SLX4IP: variants seen among roughly 807,000 people sequenced by gnomAD.
SLX4IP encodes protein SLX4IP.
Under a neutral mutation model 32.9 loss-of-function variants are expected in SLX4IP, and 34 were observed. The observed-to-expected ratio is 1.03, with a 90% CI of 0.79 to 1.38. SLX4IP has a LOEUF of 1.38. SLX4IP is among the 40% of genes most tolerant of loss of function. The pLI is 0.00. For synonymous variants in SLX4IP, 172 were observed against 171.7 expected (o/e 1.00, Z -0.01); for missense variants, 444 against 479.0 (o/e 0.93, Z 0.68).
chr20:10,613,697 G>T, intron 6 of SLX4IP: 1 of 1,613,038 alleles, frequency 6.2e-7, no homozygotes, highest in Non-Finnish European at 8.5e-7. Flanking sequence ...AGGCGTTATA[G>T]GATGGGACCT....
chr20:10,597,900 T>C (rs967750323), intron 4 of SLX4IP, among the ~76,000 whole-genome samples: 1 of 152,212 alleles, frequency 6.6e-6, no homozygotes, highest in Admixed American at 6.5e-5. Flanking sequence ...GTTGGAGAAA[T>C]TATTTTTTTA....
At chr20:10,498,516 A>T (rs866244670) in intron 2 of SLX4IP, among the ~76,000 whole-genome samples, 9 of 152,030 alleles carry the variant, frequency 5.9e-5, no homozygotes, top group Non-Finnish European at 1.2e-4. Flanking sequence ...TTTCTGTCTC[A>T]TGAAATGGTT....
chr20:10,599,524 G>T (rs2066816211), intron 5 of SLX4IP, among the ~76,000 whole-genome samples: 1 of 151,122 alleles, frequency 6.6e-6, no homozygotes, highest in African/African-American at 2.4e-5. Context: ...CTCCTAAGTA[G>T]CTGGGACCAC....
chr20:10,535,852 G>A (rs2066037790), intron 2 of SLX4IP, among the ~76,000 whole-genome samples: 1 of 152,140 alleles, frequency 6.6e-6, no homozygotes, highest in African/African-American at 2.4e-5. Context: ...TGTTTAAAAA[G>A]CAAATATTGA....
At chr20:10,595,611 A>G (rs769597425) in intron 4 of SLX4IP, among the ~76,000 whole-genome samples, 17 of 152,336 alleles carry the variant, frequency 1.1e-4, no homozygotes, top group Middle Eastern at 6.8e-3. Flanking sequence ...TGTGAAGTTG[A>G]TTTCATTAAA....
chr20:10,565,784 ACTTTC>A (rs1299512859), intron 4 of SLX4IP, among the ~76,000 whole-genome samples: 2 of 152,158 alleles, frequency 1.3e-5, no homozygotes, highest in African/African-American at 4.8e-5. Context: ...TAACAGCCTG[ACTTTC>A]CCAACTACAA....
chr20:10,468,156 C>T (rs1449932281), intron 2 of SLX4IP, among the ~76,000 whole-genome samples: 2 of 152,202 alleles, frequency 1.3e-5, no homozygotes, highest in African/African-American at 4.8e-5. Context: ...TGCCTCCACA[C>T]ACCCTGGGCT....
At chr20:10,571,245 T>C (rs2066462495) in intron 4 of SLX4IP, among the ~76,000 whole-genome samples, 1 of 152,158 alleles carries the variant, frequency 6.6e-6, no homozygotes. Context: ...AGGAGTATGC[T>C]GGACAAGCCA....
At chr20:10,528,337 A>T (rs1285653091) in intron 2 of SLX4IP, among the ~76,000 whole-genome samples, 1 of 152,204 alleles carries the variant, frequency 6.6e-6, no homozygotes, top group Non-Finnish European at 1.5e-5. Context: ...GATAAATATC[A>T]TCATTTTTGA....
intron 2 of SLX4IP, among the ~76,000 whole-genome samples, chr20:10,522,637 A>AT (rs1384349410): frequency 6.6e-6 from 1 of 152,194 alleles, no homozygotes; most frequent in Non-Finnish European, 1.5e-5. Flanking sequence ...CCTCATTAAA[A>AT]TGCCCTTCCG....
intron 2 of SLX4IP, among the ~76,000 whole-genome samples, chr20:10,510,161 A>C (rs1189820215): frequency 6.6e-6 from 1 of 152,238 alleles, no homozygotes; most frequent in African/African-American, 2.4e-5. Flanking sequence ...AAATTTTTAA[A>C]ATTTCCTTTT....
At chr20:10,479,225 A>T (rs1422699511) in intron 2 of SLX4IP, among the ~76,000 whole-genome samples, 1 of 152,248 alleles carries the variant, frequency 6.6e-6, no homozygotes, top group Non-Finnish European at 1.5e-5. Context: ...CTGCGGATGC[A>T]AAATGAAAAT....
intron 4 of SLX4IP, among the ~76,000 whole-genome samples, chr20:10,596,059 C>G (rs1246789030): frequency 6.6e-6 from 1 of 152,114 alleles, no homozygotes; most frequent in Non-Finnish European, 1.5e-5. Flanking sequence ...TGAAATCTGC[C>G]TTATACTGCT....
At chr20:10,616,677 C>T (rs990810261) in intron 6 of SLX4IP, among the ~76,000 whole-genome samples, 6 of 152,130 alleles carry the variant, frequency 3.9e-5, no homozygotes, top group African/African-American at 1.4e-4. Context: ...ATGCTCTTCC[C>T]CGTCTGCTTT....
chr20:10,566,651 C>G (rs1050252124), intron 4 of SLX4IP, among the ~76,000 whole-genome samples: 4 of 152,190 alleles, frequency 2.6e-5, no homozygotes, highest in Admixed American at 6.5e-5. Flanking sequence ...GGTCCTGCCT[C>G]ATAATTTGCA....
chr20:10,503,658 A>C, intron 2 of SLX4IP, among the ~76,000 whole-genome samples: 1 of 152,186 alleles, frequency 6.6e-6, no homozygotes, highest in East Asian at 1.9e-4. Flanking sequence ...GGTGGCTTTA[A>C]ACAATAGATA....
chr20:10,602,660 C>T (rs2066856443), intron 6 of SLX4IP, among the ~76,000 whole-genome samples: 1 of 152,036 alleles, frequency 6.6e-6, no homozygotes. Context: ...ATTAACCGGG[C>T]CATGAAGTGT....
At chr20:10,584,127 T>G (rs977794591) in intron 4 of SLX4IP, among the ~76,000 whole-genome samples, 8 of 151,918 alleles carry the variant, frequency 5.3e-5, no homozygotes, top group African/African-American at 1.9e-4. Flanking sequence ...ACATGGTGGG[T>G]TTTTTTTCCC....
chr20:10,454,089 T>C (rs1170332199), intron 1 of SLX4IP, among the ~76,000 whole-genome samples: 2 of 152,220 alleles, frequency 1.3e-5, no homozygotes, highest in Admixed American at 1.3e-4. Flanking sequence ...CCCTCCATAC[T>C]TTGTTTCAGC....
Sources: allele counts gnomAD v4.1 joint callset (sites outside exome capture counted in the v4.1 genomes callset), GRCh38; gene constraint gnomAD v4.1.1; transcripts MANE v1.5; gene names NCBI Gene and HGNC (gene_info 2026-07-23, HGNC 2026-07-21).